Variants in PPP1R7 observed in about 807,000 individuals in gnomAD.
PPP1R7 encodes protein phosphatase 1 regulatory subunit 7, also known as protein phosphatase 1 regulatory subunit 22.
A neutral mutation model predicts 45.2 loss-of-function variants in PPP1R7; 18 were observed. The ratio of observed to expected loss-of-function variants is 0.40; its 90% CI spans 0.28 to 0.59. The LOEUF is 0.59. Among genes scored for constraint, PPP1R7 ranks in the 20% least tolerant of loss-of-function variants. The pLI is 0.46. For missense variants in PPP1R7, 314 were observed against 455.8 expected (o/e 0.69, Z 2.83); for synonymous variants, 181 against 183.4 (o/e 0.99, Z 0.11).
At chr2:241,167,059 C>G in intron 8 of PPP1R7, 1 of 1,612,540 alleles carries the variant, frequency 6.2e-7, no homozygotes. Flanking sequence ...AGGACAGCCT[C>G]ACGTACTGAG....
intron 9 of PPP1R7, among the ~76,000 whole-genome samples, chr2:241,179,851 A>G (rs185206130): frequency 5.3e-5 from 8 of 152,380 alleles, no homozygotes; most frequent in Non-Finnish European, 2.9e-5. Context: ...AGTTACCAGT[A>G]TCAAACACAT....
chr2:241,177,684 T>C (rs575203090), intron 9 of PPP1R7, among the ~76,000 whole-genome samples: 1 of 152,336 alleles, frequency 6.6e-6, no homozygotes, highest in South Asian at 2.1e-4. Flanking sequence ...CATACGCGAC[T>C]TGTTTCAAGC....
intron 1 of PPP1R7, 147 bp downstream of exon 1, chr2:241,150,694 G>A: frequency 7.9e-7 from 1 of 1,260,484 alleles, no homozygotes; most frequent in Non-Finnish European, 1.0e-6. Flanking sequence ...CGGACCCGGG[G>A]GAGCGGGGGA....
At chr2:241,151,681 CT>C in intron 1 of PPP1R7, 1 of 408,702 alleles carries the variant, frequency 2.4e-6, no homozygotes, top group South Asian at 1.8e-5. Context: ...CCCTCTTCAG[CT>C]GTTTCCATGT....
At chr2:241,157,420 G>A (rs1236254846) in intron 2 of PPP1R7, among the ~76,000 whole-genome samples, 1 of 152,206 alleles carries the variant, frequency 6.6e-6, no homozygotes, top group Non-Finnish European at 1.5e-5. Flanking sequence ...GCAGGCTGCT[G>A]CCAGTTCTGC....
At chr2:241,153,405 G>A (rs1006100241) in intron 1 of PPP1R7, 71 bp from the exon 2 acceptor site, 19 of 1,577,472 alleles carry the variant, frequency 1.2e-5, no homozygotes, top group African/African-American at 4.1e-5. Context: ...ACTTACAACC[G>A]GGTGTTTATT....
At position 241,153,547 on chromosome 2, in the gene PPP1R7, G is replaced by A. The variant is rs750349261; in HGVS notation, c.124G>A (p.Asp42Asn). The A allele has an allele frequency of 1.2e-5, 19 of 1,614,064 alleles. No individual in the cohort carries two copies. Among genetic ancestry groups the A allele is most frequent in the Non-Finnish European group, 1.4e-5 (17 of 1,180,050 alleles). The change falls in exon 2 of 10, where the codon GAC (aspartate) becomes AAC (asparagine). Residue 42 changes from aspartate to asparagine, a missense_variant. Asp to Asn is a conservative substitution (Grantham distance 23, BLOSUM62 1). Transcript: ENST00000234038. ...GAAACACAGCAGTGGCATCGTGGCCGACCTCAGTGAACAGAGCCTGAAGGA... is the reference window on the plus strand; with the variant it reads ...GAAACACAGCAGTGGCATCGTGGCCAACCTCAGTGAACAGAGCCTGAAGGA... Reference protein sequence around the residue: ...GKKHSSGIVADLSEQSLKDGE... With the variant: ...GKKHSSGIVANLSEQSLKDGE...
chr2:241,170,063 C>G (rs1022315687), intron 9 of PPP1R7, among the ~76,000 whole-genome samples, 196 bp downstream of exon 9: 1 of 152,218 alleles, frequency 6.6e-6, no homozygotes, highest in Non-Finnish European at 1.5e-5. Context: ...AGCCACAGAT[C>G]AGCAGCATTG....
At chr2:241,156,418 C>G (rs1243209513) in intron 2 of PPP1R7, among the ~76,000 whole-genome samples, 1 of 152,188 alleles carries the variant, frequency 6.6e-6, no homozygotes, top group East Asian at 1.9e-4. Context: ...TGCCTATAAT[C>G]CTGGCACTTT....
chr2:241,173,269 CAAAAAAAAAA>C (rs540011262), intron 9 of PPP1R7, among the ~76,000 whole-genome samples: 1 of 90,674 alleles, frequency 1.1e-5, no homozygotes, highest in Admixed American at 1.2e-4. Flanking sequence ...AAGACTTTCT[CAAAAAAAAAA>C]AAAAAAAAAA....
intron 8 of PPP1R7, among the ~76,000 whole-genome samples, chr2:241,167,694 G>A (rs1441222392): frequency 6.6e-6 from 1 of 152,134 alleles, no homozygotes; most frequent in Non-Finnish European, 1.5e-5. Context: ...CAGTAGAAGT[G>A]CTACACTGTG....
At chr2:241,156,651 A>G (rs2125483719) in intron 2 of PPP1R7, among the ~76,000 whole-genome samples, 1 of 152,232 alleles carries the variant, frequency 6.6e-6, no homozygotes, top group African/African-American at 2.4e-5. Context: ...TCCAGCCTGA[A>G]CAGCAGAGTG....
intron 1 of PPP1R7, chr2:241,151,332 T>C (rs1451428027): frequency 2.4e-6 from 1 of 412,226 alleles, no homozygotes; most frequent in Non-Finnish European, 5.1e-6. Flanking sequence ...AGAAGAGCAG[T>C]CACTGCCTTA....
chr2:241,154,179 CA>C (rs1167747738), intron 2 of PPP1R7, among the ~76,000 whole-genome samples: 10,179 of 50,348 alleles, frequency 0.2, 74 homozygotes, highest in Non-Finnish European at 0.22. Flanking sequence ...TACTCCTTCT[CA>C]AAAAAAAAAA....
At chr2:241,177,504 G>A (rs779544882) in intron 9 of PPP1R7, among the ~76,000 whole-genome samples, 18 of 152,184 alleles carry the variant, frequency 1.2e-4, no homozygotes, top group South Asian at 2.1e-4. Context: ...TTTATAAAGC[G>A]TATGTATTTT....
rs186894773 is a variant in PPP1R7, at chr2:241,152,957, C to T, written c.53-519C>T. On this transcript the variant is annotated intron_variant, in intron 1 of 9. Coordinates refer to ENST00000234038, the MANE Select transcript of PPP1R7 (RefSeq NM_002712.3). Reference sequence around the variant, plus strand: ...GGCGGTCAGCACTATTGGCTGTATTCTCCTTTTCCTTAGTGATCCTCCCTG... The same window carrying T: ...GGCGGTCAGCACTATTGGCTGTATTTTCCTTTTCCTTAGTGATCCTCCCTG... Among the ~76,000 whole-genome samples the T allele has an allele frequency of 2.6e-5, 4 of 152,348 alleles. No individual in the cohort carries two copies. In the East Asian group the frequency reaches 7.7e-4, roughly 29 times the overall value.
At chr2:241,166,214 GT>G in intron 7 of PPP1R7, 122 bp from the exon 8 acceptor site, 1 of 835,924 alleles carries the variant, frequency 1.2e-6, no homozygotes, top group Non-Finnish European at 1.9e-6. Flanking sequence ...ATTCTAGCAT[GT>G]TTTAAGTGAA....
At position 241,160,501 on chromosome 2, in the gene PPP1R7, G is replaced by A. The variant is rs748909567; in HGVS notation, c.597+7G>A. 14 of 1,596,324 alleles carry A rather than the reference G, an allele frequency of 8.8e-6. No homozygotes were observed. The South Asian group carries it at 1.3e-4, about 14-fold the overall frequency. ...GGGATCTAACCGCATCCGGGTAGGT[G>A]CAGACAGCCCTGACTAGTATATTCA... On this transcript the variant is annotated splice_region_variant and intron_variant, in intron 6 of 9. Transcript: ENST00000234038.
At chr2:241,168,624 C>A (rs2067762087) in intron 8 of PPP1R7, among the ~76,000 whole-genome samples, 1 of 152,194 alleles carries the variant, frequency 6.6e-6, no homozygotes, top group African/African-American at 2.4e-5. Flanking sequence ...ACCAGGGCAC[C>A]GAGATGGGGT....
Sources: gnomAD v4.1 joint callset for allele counts (sites outside exome capture counted in the v4.1 genomes callset) on GRCh38, gnomAD v4.1.1 for gene constraint, MANE v1.5 for transcripts, NCBI Gene and HGNC (gene_info 2026-07-23, HGNC 2026-07-21) for gene names.